Variants in ZNF592 observed in about 807,000 individuals in gnomAD.
ZNF592 encodes the protein zinc finger protein 592.
Under a neutral mutation model 80.3 loss-of-function variants are expected in ZNF592, and 11 were observed. That is an observed-to-expected ratio of 0.14 (90% CI 0.09 to 0.23). The LOEUF (loss-of-function observed/expected upper bound fraction) is 0.23. ZNF592 is among the 10% of genes least tolerant of loss of function. The probability of loss-of-function intolerance (pLI) is 1.00; values close to 1 mark genes in which losing one functional copy is unlikely to be tolerated. For synonymous variants in ZNF592, 646 were observed against 640.3 expected (o/e 1.01, Z -0.13); for missense variants, 1,420 against 1,633.9 (o/e 0.87, Z 2.26).
chr15:84,795,369 C>G (rs1299806200), intron 5 of ZNF592, among the ~76,000 whole-genome samples: 1 of 152,230 alleles, frequency 6.6e-6, no homozygotes, highest in Non-Finnish European at 1.5e-5. Context: ...ATGGTTGGCA[C>G]TCTTTTCTGC....
At chr15:84,759,350 C>A (rs2115629) in intron 1 of ZNF592, among the ~76,000 whole-genome samples, 5,100 of 152,218 alleles carry the variant, frequency 0.034, 384 homozygotes, top group East Asian at 0.32. Flanking sequence ...AGGGAACATT[C>A]TCTAGTACCC....
At chr15:84,789,360 C>G (rs1962678157) in intron 4 of ZNF592, among the ~76,000 whole-genome samples, 1 of 151,930 alleles carries the variant, frequency 6.6e-6, no homozygotes, top group African/African-American at 2.4e-5. Context: ...ATTTCCACTT[C>G]TTAGCTATTG....
chr15:84,796,267 T>TTATA (rs1165913540), intron 5 of ZNF592, among the ~76,000 whole-genome samples: 40 of 44,188 alleles, frequency 9.1e-4, no homozygotes, highest in Non-Finnish European at 1.2e-3. Flanking sequence ...TATATATATT[T>TTATA]TATATATATA....
At chr15:84,777,694 CTTTT>C (rs397854471) in intron 2 of ZNF592, among the ~76,000 whole-genome samples, 1 of 98,412 alleles carries the variant, frequency 1.0e-5, no homozygotes. Flanking sequence ...TGTTGAGATA[CTTTT>C]TTTTTTTTTT....
chr15:84,788,039 C>T (rs539070560), intron 4 of ZNF592, among the ~76,000 whole-genome samples: 8 of 152,074 alleles, frequency 5.3e-5, no homozygotes, highest in Admixed American at 5.2e-4. Flanking sequence ...CTTCCTCATG[C>T]AGGGAATTTT....
At chr15:84,790,680 C>T in intron 4 of ZNF592, 25 bp from the exon 5 acceptor site, 1 of 1,614,006 alleles carries the variant, frequency 6.2e-7, no homozygotes, top group Non-Finnish European at 8.5e-7. Flanking sequence ...CCTGCATGAT[C>T]TGCTTTCTTG....
intron 4 of ZNF592, among the ~76,000 whole-genome samples, chr15:84,788,869 T>C (rs1414213657): frequency 1.3e-5 from 2 of 152,130 alleles, no homozygotes; most frequent in Non-Finnish European, 2.9e-5. Context: ...GGCTTTTCCA[T>C]TTAGCATGTC....
At chr15:84,774,486 C>A (rs1962183898) in intron 2 of ZNF592, among the ~76,000 whole-genome samples, 1 of 152,180 alleles carries the variant, frequency 6.6e-6, no homozygotes. Context: ...AGCTGGGTTC[C>A]CTTATGGGTT....
intron 2 of ZNF592, among the ~76,000 whole-genome samples, chr15:84,770,342 T>G (rs529297450): frequency 6.6e-6 from 1 of 152,080 alleles, no homozygotes; most frequent in African/African-American, 2.4e-5. Flanking sequence ...GCTTATAAAA[T>G]AGCAGGAAAG....
chr15:84,768,075 T>TTTTAA (rs1899583506), intron 2 of ZNF592, among the ~76,000 whole-genome samples: 1 of 146,278 alleles, frequency 6.8e-6, no homozygotes, highest in Non-Finnish European at 1.5e-5. Context: ...TTTTTTTTTG[T>TTTTAA]AGAGATGGGG....
At chr15:84,767,502 C>T (rs887350202) in intron 2 of ZNF592, among the ~76,000 whole-genome samples, 1 of 152,136 alleles carries the variant, frequency 6.6e-6, no homozygotes, top group African/African-American at 2.4e-5. Context: ...GTCCTGTCCC[C>T]CTTTTTCTCA....
rs1234635392 is a variant in ZNF592, at chr15:84,802,492, G to C, written c.*99G>C. Reference sequence around the variant, plus strand: ...ATAAAAGGCTCTGCCCCCAGTGTGAGTGTGACCGGTTGTACCCTGGAGTAG... The same window carrying C: ...ATAAAAGGCTCTGCCCCCAGTGTGACTGTGACCGGTTGTACCCTGGAGTAG... On this transcript the variant is annotated 3_prime_UTR_variant, in exon 11 of 11. Coordinates refer to ENST00000560079, the MANE Select transcript of ZNF592 (RefSeq NM_014630.3). The C allele has an allele frequency of 2.1e-6, 3 of 1,411,508 alleles. No individual in the cohort carries two copies. The highest frequency in any genetic ancestry group is 2.9e-6 in the Non-Finnish European group (3 of 1,023,030). 87.4% of individuals were successfully genotyped at this position (1,411,508 alleles called of 1,614,324 possible).
In ZNF592 at chr15:84,783,998, C is replaced by A; in HGVS notation, c.1323C>A (p.Ser441Arg). 6.2e-7 allele frequency: 1 copy of A among 1,610,968 alleles called. No individual in the cohort carries two copies. Among genetic ancestry groups the A allele is most frequent in the Non-Finnish European group, 8.5e-7 (1 of 1,177,692 alleles). Reference protein sequence around the residue: ...HFPEAGTNSGSPQGARKGDES... With the variant: ...HFPEAGTNSGRPQGARKGDES... ...CTGAGGCAGGCACAAATTCAGGGAG[C>A]CCCCAGGGGGCCAGGAAAGGGGACG... The change falls in exon 4 of 11, where the codon AGC becomes AGA. Residue 441 changes from serine (S) to arginine (R), a missense_variant. Physicochemically the swap from Ser to Arg is moderately radical, Grantham distance 110. This residue lies in a region of ZNF592 where 524 missense variants were observed against 628.3 expected (regional missense o/e 0.83). Coordinates refer to ENST00000560079, the MANE Select transcript of ZNF592 (RefSeq NM_014630.3). This position sits in a 1 kb window ranked among gnomAD's most constrained non-coding sequence, Gnocchi z 5.0.
rs558224593 is a variant in ZNF592 at position 84,799,345 on chromosome 15, C to T, written c.3137+135C>T. ...AGTGATTTCCAACTGGAAGAAATTG[C>T]GGCTAAGTCAGAAATCAGGGGCAGG... is the stretch of plus-strand genomic sequence containing the variant. On this transcript the variant is annotated intron_variant, in intron 9 of 10. Coordinates refer to ENST00000560079, the MANE Select transcript of ZNF592 (RefSeq NM_014630.3). This position sits in a 1 kb window ranked among gnomAD's most constrained non-coding sequence, Gnocchi z 4.2. 1,141 of 981,586 alleles carry T rather than the reference C, an allele frequency of 1.2e-3. 5 individuals carry two copies. Among genetic ancestry groups the T allele is most frequent in the Non-Finnish European group, 7.7e-4 (483 of 626,708 alleles). 60.8% of individuals were successfully genotyped at this position (981,586 alleles called of 1,614,324 possible).
At chr15:84,756,282 T>A (rs1321265645) in intron 1 of ZNF592, among the ~76,000 whole-genome samples, 31 of 152,262 alleles carry the variant, frequency 2.0e-4, no homozygotes, top group Admixed American at 2.0e-3. Flanking sequence ...CTTGGCAAGC[T>A]AGAGCCAATG....
intron 2 of ZNF592, among the ~76,000 whole-genome samples, chr15:84,774,028 C>T (rs552877453): frequency 6.6e-6 from 1 of 152,310 alleles, no homozygotes; most frequent in Admixed American, 6.5e-5. Flanking sequence ...CTTAAGGGAA[C>T]AGTCTAAGCT....
In ZNF592 at chr15:84,768,492, C is replaced by T. The variant is rs539846793; in HGVS notation, c.-150+3677C>T. Among the ~76,000 whole-genome samples, 6 of 152,226 alleles carry T rather than the reference C, an allele frequency of 3.9e-5. No homozygotes were observed. The South Asian group carries it at 1.2e-3, about 32-fold the overall frequency. On this transcript the variant is annotated intron_variant, in intron 2 of 10. Coordinates refer to ENST00000560079, the MANE Select transcript of ZNF592 (RefSeq NM_014630.3). ...ACCTCAAGTCATCCACCTGTCTCAG[C>T]TTCCCAAAGTGCTGGGATTACAGGC...
intron 1 of ZNF592, among the ~76,000 whole-genome samples, chr15:84,759,186 G>A (rs2141962371): frequency 6.6e-6 from 1 of 152,290 alleles, no homozygotes; most frequent in South Asian, 2.1e-4. Context: ...AAAGAATCAT[G>A]TGAGATGAAC....
At chr15:84,760,253 A>G (rs1899311071) in intron 1 of ZNF592, among the ~76,000 whole-genome samples, 1 of 152,170 alleles carries the variant, frequency 6.6e-6, no homozygotes, top group African/African-American at 2.4e-5. Context: ...ATGGCCTGCC[A>G]TCATCTGCTT....
Sources: gnomAD v4.1 joint callset for allele counts (sites outside exome capture counted in the v4.1 genomes callset) on GRCh38, gnomAD v4.1.1 for gene constraint, gnomAD v4.1.1 regional missense constraint, Gnocchi (gnomAD v3.1) non-coding constraint, MANE v1.5 for transcripts, NCBI Gene and HGNC (gene_info 2026-07-23, HGNC 2026-07-21) for gene names.